The following CDK13 variants were observed in gnomAD, a reference collection of about 807,000 sequenced individuals.
The protein encoded by CDK13 is cyclin-dependent kinase 13.
In CDK13, 40 loss-of-function variants were observed where a neutral mutation model predicts 137.6. The ratio of observed to expected loss-of-function variants is 0.29; its 90% CI spans 0.23 to 0.38. CDK13 has a LOEUF of 0.38. Ranked by LOEUF, CDK13 falls within the 10% of genes least tolerant of loss-of-function variation. CDK13 has a pLI of 1.00. For missense variants in CDK13, 1,704 were observed against 1,951.8 expected (o/e 0.87, Z 2.39); for synonymous variants, 869 against 760.1 (o/e 1.14, Z -2.36).
chr7:39,950,662 G>A lies in CDK13; in HGVS notation c.21G>A (p.Thr7=), dbSNP rs1190082140. 2.2e-6 allele frequency: 3 copies of A among 1,346,860 alleles called. No homozygotes were observed. Among genetic ancestry groups the A allele is most frequent in the Non-Finnish European group, 2.9e-6 (3 of 1,052,254 alleles). The allele number at this position is 1,346,860 out of a possible 1,614,324, so 83.4% of individuals were successfully genotyped here. ...AGGCGATGCCGAGCAGCTCGGACAC[G>A]GCGCTGGGGGGAGGCGGGGGCCTGA... MPSSSD[T]ALGGGGGLSW... The change falls in exon 1 of 14, where the codon ACG becomes ACA. Residue 7 remains threonine, a synonymous_variant. Transcript: ENST00000181839.
At chr7:39,972,685 A>G (rs1012606530) in intron 1 of CDK13, among the ~76,000 whole-genome samples, 3 of 152,104 alleles carry the variant, frequency 2.0e-5, no homozygotes, top group Non-Finnish European at 4.4e-5. Context: ...ATCCCATTGT[A>G]TGGTTATGCC....
intron 5 of CDK13, among the ~76,000 whole-genome samples, chr7:40,032,374 G>T (rs1785398794): frequency 6.6e-6 from 1 of 152,118 alleles, no homozygotes; most frequent in South Asian, 2.1e-4. Flanking sequence ...CCCTGCCAAA[G>T]AGCAGAAGTT....
At chr7:40,050,018 C>T (rs984359900) in intron 7 of CDK13, among the ~76,000 whole-genome samples, 2 of 151,786 alleles carry the variant, frequency 1.3e-5, no homozygotes, top group African/African-American at 4.8e-5. Flanking sequence ...CTCACTCTGT[C>T]GCCCAGGCTG....
intron 5 of CDK13, among the ~76,000 whole-genome samples, chr7:40,039,424 T>C (rs1474841392): frequency 7.1e-6 from 1 of 140,718 alleles, no homozygotes; most frequent in Non-Finnish European, 1.5e-5. Context: ...CCCACGACCA[T>C]GCCCGGCTAA....
chr7:39,963,308 A>G (rs1419830082), intron 1 of CDK13, among the ~76,000 whole-genome samples: 4 of 152,050 alleles, frequency 2.6e-5, no homozygotes, highest in East Asian at 3.9e-4. Context: ...ATTGAGCAGT[A>G]GTTTGTAGTT....
At chr7:40,069,405 T>C (rs897137295) in intron 9 of CDK13, 3 of 422,210 alleles carry the variant, frequency 7.1e-6, no homozygotes, top group African/African-American at 4.1e-5. Flanking sequence ...CTTACAGGGT[T>C]GGGTTCTAAT....
At chr7:40,006,594 A>C (rs955383469) in intron 5 of CDK13, among the ~76,000 whole-genome samples, 7 of 152,106 alleles carry the variant, frequency 4.6e-5, no homozygotes, top group Non-Finnish European at 8.8e-5. Flanking sequence ...CGGGCGGATC[A>C]CCAGAGGTCA....
At position 40,094,633 on chromosome 7, in the gene CDK13, G is replaced by C. The variant is rs372943622; in HGVS notation, c.4192G>C (p.Glu1398Gln). 209 of 1,613,978 alleles carry C rather than the reference G, an allele frequency of 1.3e-4. No homozygotes were observed. Among genetic ancestry groups the C allele is most frequent in the Non-Finnish European group, 1.5e-4 (181 of 1,180,006 alleles). Residue 1398 changes from glutamate to glutamine, a missense_variant, in exon 14 of 14, where the codon GAG (glutamate) becomes CAG (glutamine). This residue lies in a region of CDK13 where 475 missense variants were observed against 579.3 expected (regional missense o/e 0.82). Coordinates refer to ENST00000181839, the MANE Select transcript of CDK13 (RefSeq NM_003718.5). Reference protein sequence around the residue: ...GGPPQPSAFSESFPSSVAGYG... With the variant: ...GGPPQPSAFSQSFPSSVAGYG... ...TCCACCTCAGCCTTCTGCCTTTTCTGAGTCATTTCCCAGTTCAGTAGCTGG... is the reference window on the plus strand; with the variant it reads ...TCCACCTCAGCCTTCTGCCTTTTCTCAGTCATTTCCCAGTTCAGTAGCTGG...
At chr7:40,030,755 G>A (rs540160985) in intron 5 of CDK13, among the ~76,000 whole-genome samples, 47 of 151,938 alleles carry the variant, frequency 3.1e-4, no homozygotes, top group Non-Finnish European at 1.9e-4. Context: ...ATGTCATGTA[G>A]TTGGAATCAT....
intron 9 of CDK13, chr7:40,072,514 G>T (rs979471163): frequency 6.6e-6 from 1 of 152,192 alleles, no homozygotes; most frequent in African/African-American, 2.4e-5. Flanking sequence ...AATATAGTTT[G>T]TTGCCACTGA....
At chr7:39,999,225 A>T (rs1784632710) in intron 3 of CDK13, 136 bp from the exon 4 acceptor site, 1 of 613,914 alleles carries the variant, frequency 1.6e-6, no homozygotes, top group African/African-American at 1.9e-5. Flanking sequence ...CTTGTTTGGG[A>T]TAGATGATGA....
intron 9 of CDK13, chr7:40,071,965 C>T (rs552247287): frequency 6.6e-6 from 1 of 152,132 alleles, no homozygotes; most frequent in East Asian, 1.9e-4. Context: ...GCAGCTGCCT[C>T]AGTTCGCAAG....
Position 40,095,712 on chromosome 7 carries a change from A to T in CDK13, c.*732A>T, listed in dbSNP as rs1787032849. On this transcript the variant is annotated 3_prime_UTR_variant, in exon 14 of 14. Coordinates refer to ENST00000181839, the MANE Select transcript of CDK13 (RefSeq NM_003718.5). The stretch of plus-strand genomic sequence containing the variant: ...AGCTTAAGGTCTGAAAAAAATAGTT[A>T]ACTTTTACCCCCATTTGTCTTTTAA... 1 of 152,140 alleles carries T rather than the reference A, an allele frequency of 6.6e-6. No individual in the cohort carries two copies. Among genetic ancestry groups the T allele is most frequent in the Non-Finnish European group, 1.5e-5 (1 of 68,042 alleles). The allele number at this position is 152,140 out of a possible 1,614,324, so 9.4% of individuals were successfully genotyped here. A position where few individuals can be genotyped will look rare whatever the true frequency, so the allele number is the denominator to read the frequency against.
At position 39,951,161 on chromosome 7, in the gene CDK13, A is replaced by G. The variant is rs1787166831; in HGVS notation, c.520A>G (p.Thr174Ala). The G allele has an allele frequency of 1.6e-6, 2 of 1,241,998 alleles. No homozygotes were observed. The highest frequency in any genetic ancestry group is 3.7e-5 in the South Asian group (1 of 26,912). The allele number at this position is 1,241,998 out of a possible 1,614,324, so 76.9% of individuals were successfully genotyped here. A position where few individuals can be genotyped will look rare whatever the true frequency, so the allele number is the denominator to read the frequency against. ...AACGGCGGCGACGGCTGCCGGGGGA[A>G]CGGGGGGCAGCGGCGGGAGTCCGGC... ...AATAATAAGG[T>A]GGSGGSPASS... The change falls in exon 1 of 14, where the codon ACG (threonine) becomes GCG (alanine). Residue 174 changes from threonine to alanine, a missense_variant. Transcript: ENST00000181839.
At chr7:39,954,296 A>C (rs1305030553) in intron 1 of CDK13, among the ~76,000 whole-genome samples, 1 of 152,244 alleles carries the variant, frequency 6.6e-6, no homozygotes, top group Non-Finnish European at 1.5e-5. Context: ...GGAAAAATCT[A>C]AAGATTTTAA....
intron 7 of CDK13, among the ~76,000 whole-genome samples, chr7:40,052,279 C>T (rs536565086): frequency 4.6e-5 from 7 of 152,070 alleles, no homozygotes; most frequent in African/African-American, 1.7e-4. Context: ...TAGGTTTAAG[C>T]GATTCTCCTG....
intron 1 of CDK13, among the ~76,000 whole-genome samples, chr7:39,965,688 A>G (rs1783855667): frequency 6.6e-6 from 1 of 152,164 alleles, no homozygotes; most frequent in African/African-American, 2.4e-5. Context: ...TTTGCTCATT[A>G]GTTGATGCAG....
intron 9 of CDK13, chr7:40,070,653 A>C (rs1268274671): frequency 6.6e-6 from 1 of 152,422 alleles, no homozygotes; most frequent in African/African-American, 2.4e-5. Flanking sequence ...TGGAGGCTGC[A>C]GTGAGCCAAG....
rs1787171885 is a variant in CDK13 at position 39,951,217 on chromosome 7, G to A, written c.576G>A (p.Glu192=). The change falls in exon 1 of 14, where the codon GAG becomes GAA. Residue 192 remains glutamate, a synonymous_variant. Coordinates refer to ENST00000181839, the MANE Select transcript of CDK13 (RefSeq NM_003718.5). The part of the protein sequence containing the change: ...ASSSGTQRRG[E]GSERRPRRDR... The stretch of plus-strand genomic sequence containing the variant: ...CCTCCGGCACCCAGCGGCGCGGGGA[G>A]GGGTCGGAGCGCAGGCCCCGCCGGG... 3 of 1,255,320 alleles carry A rather than the reference G, an allele frequency of 2.4e-6. No homozygotes were observed. The South Asian group carries it at 9.6e-5, about 40-fold the overall frequency. 77.8% of individuals were successfully genotyped at this position (1,255,320 alleles called of 1,614,324 possible). A position where few individuals can be genotyped will look rare whatever the true frequency, so the allele number is the denominator to read the frequency against.
Sources: allele counts gnomAD v4.1 joint callset (sites outside exome capture counted in the v4.1 genomes callset), GRCh38; gene constraint gnomAD v4.1.1; regional missense constraint gnomAD v4.1.1; transcripts MANE v1.5; gene names NCBI Gene and HGNC (gene_info 2026-07-23, HGNC 2026-07-21).